LIN28B: variants seen among roughly 807,000 people sequenced by gnomAD.
LIN28B encodes protein lin-28 homolog B.
LIN28B carries 5 observed loss-of-function variants against 21.9 expected under a neutral mutation model. The ratio of observed to expected loss-of-function variants is 0.23; its 90% confidence interval spans 0.12 to 0.48. The LOEUF is 0.48. Among genes scored for constraint, LIN28B ranks in the 20% least tolerant of loss-of-function variants. The probability of loss-of-function intolerance (pLI) is 0.98; values close to 1 mark genes in which losing one functional copy is unlikely to be tolerated. For missense variants in LIN28B, 245 were observed against 310.5 expected, an observed-to-expected ratio of 0.79 and a Z score of 1.58; for synonymous variants, 109 against 111.3, an observed-to-expected ratio of 0.98 and a Z score of 0.13.
chr6:105,055,191 T>G (rs1771998686), intron 3 of LIN28B, among the ~76,000 whole-genome samples: 1 of 152,202 alleles, frequency 6.6e-6, no homozygotes, highest in African/African-American at 2.4e-5. Context: ...TGATCCACAA[T>G]GTTTTTCATA....
upstream of LIN28B, among the ~76,000 whole-genome samples, chr6:104,952,560 T>C (rs971258421): frequency 6.6e-6 from 1 of 152,194 alleles, no homozygotes; most frequent in African/African-American, 2.4e-5. Context: ...AGTTAAAAAA[T>C]TCTTTCTTCA....
intron 2 of LIN28B, among the ~76,000 whole-genome samples, chr6:105,017,460 A>G (rs1316106513): frequency 2.0e-5 from 3 of 152,338 alleles, no homozygotes; most frequent in African/African-American, 7.2e-5. Context: ...CTACTAGTCA[A>G]TGTACTGAGC....
intron 3 of LIN28B, among the ~76,000 whole-genome samples, chr6:105,054,246 TTC>T (rs1771978281): frequency 6.6e-6 from 1 of 152,204 alleles, no homozygotes; most frequent in Admixed American, 6.5e-5. Flanking sequence ...GCTCTCAGTT[TTC>T]TGTTTTTCTC....
At chr6:104,939,243 T>C (rs896142364) in intron 2 of LIN28B, 1 of 152,248 alleles carries the variant, frequency 6.6e-6, no homozygotes, top group African/African-American at 2.4e-5. Flanking sequence ...TAGTGTAAAT[T>C]GATACAATGA....
chr6:104,980,978 C>A (rs1440075515), intron 2 of LIN28B, among the ~76,000 whole-genome samples: 1 of 151,888 alleles, frequency 6.6e-6, no homozygotes, highest in Admixed American at 6.6e-5. Flanking sequence ...GGTGTTTAGC[C>A]CATTCTTAAG....
chr6:105,025,772 A>T (rs1267536570), intron 2 of LIN28B, among the ~76,000 whole-genome samples: 1 of 152,084 alleles, frequency 6.6e-6, no homozygotes, highest in African/African-American at 2.4e-5. Flanking sequence ...AAAATTTTAC[A>T]TAGATAGCAT....
At chr6:104,941,642 C>T (rs1005526703) in intron 2 of LIN28B, among the ~76,000 whole-genome samples, 6 of 151,976 alleles carry the variant, frequency 3.9e-5, no homozygotes. Flanking sequence ...ACCGGGCAGG[C>T]GTCGGGGATC....
intron 3 of LIN28B, among the ~76,000 whole-genome samples, chr6:105,051,061 A>G (rs952927764): frequency 4.0e-5 from 6 of 151,506 alleles, no homozygotes; most frequent in Admixed American, 3.9e-4. Flanking sequence ...AAAACAAAAG[A>G]AAGAAAAGAA....
At chr6:104,971,163 A>G (rs1019350263) in intron 2 of LIN28B, among the ~76,000 whole-genome samples, 1 of 152,136 alleles carries the variant, frequency 6.6e-6, no homozygotes, top group East Asian at 1.9e-4. Flanking sequence ...ATTGATTTTT[A>G]AAATATGTCA....
chr6:104,991,553 C>T (rs1248799260), intron 2 of LIN28B, among the ~76,000 whole-genome samples: 1 of 150,060 alleles, frequency 6.7e-6, no homozygotes, highest in Non-Finnish European at 1.5e-5. Flanking sequence ...AGAGGGCCTC[C>T]TCACATCCCA....
At chr6:105,063,643 G>T (rs971516932) in intron 3 of LIN28B, among the ~76,000 whole-genome samples, 3,584 of 141,444 alleles carry the variant, frequency 0.025, 221 homozygotes, top group African/African-American at 0.087. Context: ...CTCGGGGGGG[G>T]GGGGGAAAAA....
In LIN28B at chr6:105,046,646, G is replaced by A. The variant is rs868012306; in HGVS notation, c.383+20164G>A. Among the ~76,000 whole-genome samples the A allele has an allele frequency of 1.2e-3, 190 of 152,176 alleles. 2 individuals carry two copies. The highest frequency in any genetic ancestry group is 4.5e-3 in the African/African-American group (185 of 41,530). On this transcript the variant is annotated intron_variant, in intron 3 of 3. Coordinates refer to ENST00000345080, the MANE Select transcript of LIN28B (RefSeq NM_001004317.4). The stretch of plus-strand genomic sequence containing the variant: ...ACAGTCCCACCAACAGTGTAAAAGT[G>A]TTCCTATTTCTCCACATCCTCTCCA...
chr6:104,991,346 G>A (rs1264860529), intron 2 of LIN28B, among the ~76,000 whole-genome samples: 1 of 151,176 alleles, frequency 6.6e-6, no homozygotes, highest in Non-Finnish European at 1.5e-5. Flanking sequence ...GTGGGCGGCC[G>A]GGCAGAGACG....
intron 2 of LIN28B, among the ~76,000 whole-genome samples, chr6:104,938,198 G>A (rs1778034578): frequency 6.6e-6 from 1 of 151,962 alleles, no homozygotes; most frequent in Admixed American, 6.6e-5. Context: ...TAGCTAGGAA[G>A]GTACTATTGT....
intron 2 of LIN28B, among the ~76,000 whole-genome samples, chr6:104,971,456 C>T (rs1769983387): frequency 6.6e-6 from 1 of 152,044 alleles, no homozygotes; most frequent in African/African-American, 2.4e-5. Flanking sequence ...TTTTGGTCTG[C>T]TTTTAGGATG....
chr6:104,945,624 G>T (rs1332106748), intron 2 of LIN28B, among the ~76,000 whole-genome samples: 1 of 151,950 alleles, frequency 6.6e-6, no homozygotes, highest in African/African-American at 2.4e-5. Context: ...TGATCTTTTT[G>T]ATTTGAAACC....
At chr6:104,979,217 T>A (rs1405045279) in intron 2 of LIN28B, among the ~76,000 whole-genome samples, 1 of 149,272 alleles carries the variant, frequency 6.7e-6, no homozygotes, top group Admixed American at 6.7e-5. Flanking sequence ...TTAATTTAAT[T>A]TTTTTTTTTT....
intron 2 of LIN28B, among the ~76,000 whole-genome samples, chr6:104,984,551 C>T (rs552677287): frequency 2.6e-5 from 4 of 151,752 alleles, no homozygotes; most frequent in African/African-American, 9.7e-5. Context: ...CCCAAGCGAT[C>T]CTCCCACCTG....
At chr6:104,976,865 A>T (rs77041934) in intron 2 of LIN28B, among the ~76,000 whole-genome samples, 32 of 152,310 alleles carry the variant, frequency 2.1e-4, no homozygotes, top group African/African-American at 7.0e-4. Flanking sequence ...TGTAGCAGGC[A>T]GGCTTATACT....
Sources: gnomAD v4.1 joint callset for allele counts (sites outside exome capture counted in the v4.1 genomes callset) on GRCh38, gnomAD v4.1.1 for gene constraint, MANE v1.5 for transcripts, NCBI Gene and HGNC (gene_info 2026-07-23, HGNC 2026-07-21) for gene names.